Variants in UGT1A6 observed in about 807,000 individuals in gnomAD.
The protein encoded by UGT1A6 is UDP glucuronosyltransferase family 1 member A6, also known as UDP-glucuronosyltransferase 1A6.
A neutral mutation model predicts 44.4 loss-of-function variants in UGT1A6; 32 were observed. The ratio of observed to expected loss-of-function variants is 0.72; its 90% CI spans 0.54 to 0.97. UGT1A6 has a LOEUF of 0.97. Ranked by LOEUF, UGT1A6 falls within the 50% of genes least tolerant of loss-of-function variation. The pLI is 0.00. For missense variants in UGT1A6, 685 were observed against 661.9 expected (o/e 1.03, Z -0.38); for synonymous variants, 238 against 248.5 (o/e 0.96, Z 0.40).
chr2:233,707,032 A>G (rs949515079), intron 1 of UGT1A6, among the ~76,000 whole-genome samples: 22 of 152,226 alleles, frequency 1.4e-4, no homozygotes, highest in African/African-American at 5.3e-4. Context: ...CCAGCCCCCA[A>G]GGTAGAGGAA....
intron 1 of UGT1A6, among the ~76,000 whole-genome samples, chr2:233,702,149 T>C (rs1024085509): frequency 1.3e-5 from 2 of 152,210 alleles, no homozygotes; most frequent in African/African-American, 4.8e-5. Flanking sequence ...AGATACCTTA[T>C]ATCTATTATC....
At chr2:233,733,460 C>T (rs1438150751) in intron 1 of UGT1A6, among the ~76,000 whole-genome samples, 1 of 152,094 alleles carries the variant, frequency 6.6e-6, no homozygotes, top group Non-Finnish European at 1.5e-5. Context: ...ATAAATAGCT[C>T]TTATTATTTT....
At chr2:233,720,760 C>CA (rs931829626) in intron 1 of UGT1A6, among the ~76,000 whole-genome samples, 1 of 148,948 alleles carries the variant, frequency 6.7e-6, no homozygotes, top group African/African-American at 2.5e-5. Context: ...GGCTGGAGGG[C>CA]AGTGGCCGGA....
intron 1 of UGT1A6, among the ~76,000 whole-genome samples, chr2:233,727,335 C>T (rs1297453544): frequency 1.3e-5 from 2 of 152,170 alleles, no homozygotes; most frequent in Admixed American, 1.3e-4. Context: ...GAGCTCCTCC[C>T]TCCCCATAGT....
chr2:233,755,153 C>T, intron 1 of UGT1A6: 10 of 1,299,120 alleles, frequency 7.7e-6, no homozygotes, highest in Non-Finnish European at 1.0e-5. Flanking sequence ...CCGCTTCCTC[C>T]CTGTCCTCGG....
chr2:233,724,187 G>A (rs1459882110), intron 1 of UGT1A6, among the ~76,000 whole-genome samples: 4 of 123,398 alleles, frequency 3.2e-5, no homozygotes, highest in Admixed American at 7.5e-5. Context: ...CCTCCCGGAC[G>A]GGGTGGCTGG....
intron 1 of UGT1A6, among the ~76,000 whole-genome samples, chr2:233,731,288 T>TC (rs1363892538): frequency 6.6e-6 from 1 of 151,914 alleles, no homozygotes; most frequent in Non-Finnish European, 1.5e-5. Context: ...TTCTTTCTTT[T>TC]TTTTTTTTTT....
intron 1 of UGT1A6, among the ~76,000 whole-genome samples, chr2:233,700,636 C>T (rs1374438438): frequency 6.6e-6 from 1 of 152,038 alleles, no homozygotes; most frequent in Admixed American, 6.5e-5. Context: ...GATTTAATGA[C>T]TTTAAGTGTT....
At chr2:233,713,162 G>GGTGGT (rs776401165) in intron 1 of UGT1A6, 1 of 1,614,256 alleles carries the variant, frequency 6.2e-7, no homozygotes, top group Non-Finnish European at 8.5e-7. Flanking sequence ...GAGGCCACCA[G>GGTGGT]GTGGTGGTCC....
At chr2:233,703,194 A>G (rs2125592149) in intron 1 of UGT1A6, among the ~76,000 whole-genome samples, 1 of 152,238 alleles carries the variant, frequency 6.6e-6, no homozygotes, top group South Asian at 2.1e-4. Context: ...CTTTCTAGGA[A>G]TTTGTCAATT....
chr2:233,700,873 TCC>T (rs1228589986), intron 1 of UGT1A6, among the ~76,000 whole-genome samples: 1 of 147,556 alleles, frequency 6.8e-6, no homozygotes, highest in Non-Finnish European at 1.5e-5. Flanking sequence ...CCCTCCCTCC[TCC>T]CCCCACCCCA....
intron 1 of UGT1A6, among the ~76,000 whole-genome samples, chr2:233,707,025 GC>G (rs141517421): frequency 6.6e-6 from 1 of 152,288 alleles, no homozygotes; most frequent in East Asian, 1.9e-4. Flanking sequence ...TGGTCAGCCA[GC>G]CCCCAAGGTA....
chr2:233,695,907 T>C (rs1160810678), intron 1 of UGT1A6, among the ~76,000 whole-genome samples: 6 of 152,140 alleles, frequency 3.9e-5, no homozygotes, highest in African/African-American at 1.4e-4. Flanking sequence ...GTGGGGTTTT[T>C]TTTCTCCACA....
intron 1 of UGT1A6, chr2:233,713,093 G>A (rs755118222): frequency 8.1e-6 from 13 of 1,614,096 alleles, no homozygotes; most frequent in Middle Eastern, 1.6e-4. Context: ...TGCTGGTGGT[G>A]CCCACTGATG....
intron 1 of UGT1A6, among the ~76,000 whole-genome samples, chr2:233,696,402 G>A (rs1269862179): frequency 6.6e-6 from 1 of 152,092 alleles, no homozygotes; most frequent in Non-Finnish European, 1.5e-5. Flanking sequence ...TTTTGTAAAT[G>A]GGGTTGATTT....
chr2:233,738,966 A>C (rs185032908), intron 1 of UGT1A6: 1 of 152,340 alleles, frequency 6.6e-6, no homozygotes, highest in Non-Finnish European at 1.5e-5. Context: ...CCAGGCCCCC[A>C]CTGCTGTGTG....
At chr2:233,705,912 A>C (rs2075878682) in intron 1 of UGT1A6, among the ~76,000 whole-genome samples, 1 of 152,094 alleles carries the variant, frequency 6.6e-6, no homozygotes, top group Non-Finnish European at 1.5e-5. Context: ...AAATAGTGAA[A>C]CTCCTTCTCT....
chr2:233,716,282 A>G (rs2076495752), intron 1 of UGT1A6, among the ~76,000 whole-genome samples: 1 of 152,186 alleles, frequency 6.6e-6, no homozygotes, highest in African/African-American at 2.4e-5. Context: ...AACCCTTAAT[A>G]TAATCACATC....
chr2:233,711,966 T>C (rs1367774321), intron 1 of UGT1A6, among the ~76,000 whole-genome samples: 8 of 152,232 alleles, frequency 5.3e-5, no homozygotes, highest in African/African-American at 1.7e-4. Context: ...ATTTTGAAAT[T>C]TGAACTAGAG....
Sources: gnomAD v4.1 joint callset for allele counts (sites outside exome capture counted in the v4.1 genomes callset) on GRCh38, gnomAD v4.1.1 for gene constraint, MANE v1.5 for transcripts, NCBI Gene and HGNC (gene_info 2026-07-23, HGNC 2026-07-21) for gene names.